Variants in MMP14 observed in about 807,000 individuals in gnomAD.
MMP14 encodes matrix metallopeptidase 14.
Under a neutral mutation model 64.8 loss-of-function variants are expected in MMP14, and 13 were observed. The ratio of observed to expected loss-of-function variants is 0.20; its 90% CI spans 0.13 to 0.32. The LOEUF is 0.32. Ranked by LOEUF, MMP14 falls within the 10% of genes least tolerant of loss-of-function variation. The probability of loss-of-function intolerance (pLI) is 1.00; values close to 1 mark genes in which losing one functional copy is unlikely to be tolerated. For missense variants in MMP14, 594 were observed against 783.8 expected (o/e 0.76, Z 2.89); for synonymous variants, 322 against 315.9 (o/e 1.02, Z -0.20).
In MMP14 at chr14:22,845,595, C is replaced by T. The variant is rs186942114; in HGVS notation, c.1418-113C>T. On this transcript the variant is annotated intron_variant, in intron 9 of 9. Coordinates refer to ENST00000311852, the MANE Select transcript of MMP14 (RefSeq NM_004995.4). The stretch of plus-strand genomic sequence containing the variant: ...TTACAGCTGAGGAAGCTGATGCTCA[C>T]GAAGGTGGAGGGAAGCTCAGCTGCC... 3,346 of 1,157,514 alleles carry T rather than the reference C, an allele frequency of 2.9e-3. 10 individuals carry two copies. Among genetic ancestry groups the T allele is most frequent in the Non-Finnish European group, 3.8e-3 (2,997 of 797,114 alleles). 71.7% of individuals were successfully genotyped at this position (1,157,514 alleles called of 1,614,324 possible).
chr14:22,842,771 G>T lies in MMP14; in HGVS notation c.688+54G>T. The T allele has an allele frequency of 6.5e-7, 1 of 1,534,682 alleles. No individual in the cohort carries two copies. The highest frequency in any genetic ancestry group is 1.9e-5 in the Admixed American group (1 of 51,874). On this transcript the variant is annotated intron_variant, in intron 4 of 9. Transcript: ENST00000311852. This position sits in a 1 kb window ranked among gnomAD's most constrained non-coding sequence, Gnocchi z 5.3. Reference sequence around the variant, plus strand: ...TGGAAAAAGCCAACAGTCATTTGTAGGGGTGGTTCCCCTCCCTCCTTCCAA... The same window carrying T: ...TGGAAAAAGCCAACAGTCATTTGTATGGGTGGTTCCCCTCCCTCCTTCCAA...
At chr14:22,837,295 T>G in intron 1 of MMP14, 61 of 471,168 alleles carry the variant, frequency 1.3e-4, no homozygotes, top group East Asian at 5.8e-4. Context: ...AACCCCGCGC[T>G]GTCCCGGCTC....
rs2039812393 is a variant in MMP14 at position 22,846,167 on chromosome 14, C to G, written c.*128C>G. 1 of 946,930 alleles carries G rather than the reference C, an allele frequency of 1.1e-6. No homozygotes were observed. The highest frequency in any genetic ancestry group is 1.5e-6 in the Non-Finnish European group (1 of 656,412). The allele number at this position is 946,930 out of a possible 1,614,324, so 58.7% of individuals were successfully genotyped here. ...CTCCCCGCAGCCTCCTTGCTTCTCT[C>G]TGTCCCCTGGCTGGCCTCCTTCACC... On this transcript the variant is annotated 3_prime_UTR_variant, in exon 10 of 10. Coordinates refer to ENST00000311852, the MANE Select transcript of MMP14 (RefSeq NM_004995.4).
chr14:22,841,245 A>C (rs963919446), intron 1 of MMP14, among the ~76,000 whole-genome samples: 2 of 152,196 alleles, frequency 1.3e-5, no homozygotes, highest in African/African-American at 4.8e-5. Context: ...TCTCATTTTC[A>C]AGAGAGCTAC....
intron 1 of MMP14, among the ~76,000 whole-genome samples, chr14:22,839,381 G>T (rs138907079): frequency 2.3e-4 from 35 of 152,380 alleles, no homozygotes; most frequent in South Asian, 4.1e-4. Flanking sequence ...ACAGGTCAGG[G>T]CAAGCCTGCA....
intron 2 of MMP14, 79 bp downstream of exon 2, chr14:22,841,718 C>T (rs768525972): frequency 1.3e-6 from 2 of 1,585,940 alleles, no homozygotes; most frequent in Non-Finnish European, 8.6e-7. Context: ...TACCTGAATG[C>T]CTGGCTTGTG....
intron 1 of MMP14, chr14:22,837,187 G>A (rs959063951): frequency 3.1e-6 from 2 of 647,680 alleles, no homozygotes; most frequent in African/African-American, 3.6e-5. Context: ...CCAGTCCTTG[G>A]AAGAACTTTA....
rs113291270 is a variant in MMP14 at position 22,846,266 on chromosome 14, G to A, written c.*227G>A. The stretch of plus-strand genomic sequence containing the variant: ...GGTCCCCTGAGGGCTGAGTGGGAGG[G>A]CGGCCCTTTCCAGCCTCTGCCCCTC... On this transcript the variant is annotated 3_prime_UTR_variant, in exon 10 of 10. Transcript: ENST00000311852. 4.2e-5 allele frequency: 22 copies of A among 528,316 alleles called. 1 individual carries two copies. The highest frequency in any genetic ancestry group is 3.8e-4 in the African/African-American group (20 of 52,212). 32.7% of individuals were successfully genotyped at this position (528,316 alleles called of 1,614,324 possible).
At chr14:22,841,732 C>A in intron 2 of MMP14, 93 bp downstream of exon 2, 3 of 1,564,954 alleles carry the variant, frequency 1.9e-6, no homozygotes, top group Non-Finnish European at 2.6e-6. Context: ...GCTTGTGCAC[C>A]CCACTCCCCC....
Position 22,845,739 on chromosome 14 carries a change from C to T in MMP14, c.1449C>T (p.Tyr483=). The T allele has an allele frequency of 6.2e-7, 1 of 1,614,130 alleles. No individual in the cohort carries two copies. The highest frequency in any genetic ancestry group is 1.3e-5 in the African/African-American group (1 of 75,050). ...CTTACTTCTACAAGGGGAACAAATA[C>T]TGGAAATTCAACAACCAGAAGCTGA... ...VFTYFYKGNK[Y]WKFNNQKLKV... Residue 483 remains tyrosine, a synonymous_variant, in exon 10 of 10, where the codon TAC becomes TAT. Coordinates refer to ENST00000311852, the MANE Select transcript of MMP14 (RefSeq NM_004995.4).
In MMP14 at chr14:22,843,353, A is replaced by G. The variant is rs1388240533; in HGVS notation, c.785A>G (p.Gln262Arg). The change falls in exon 5 of 10, where the codon CAG (glutamine) becomes CGG (arginine). Residue 262 changes from glutamine (Q) to arginine (R), a missense_variant. Physicochemically the swap from Gln to Arg is conservative, Grantham distance 43 (BLOSUM62 1). Transcript: ENST00000311852. The surrounding 1 kb of genome is among the most constrained non-coding windows in gnomAD (Gnocchi z 4.8). Reference sequence around the variant, plus strand: ...TCGGCCATCATGGCACCCTTTTACCAGTGGATGGACACGGAGAATTTTGTG... The same window carrying G: ...TCGGCCATCATGGCACCCTTTTACCGGTGGATGGACACGGAGAATTTTGTG... ...DPSAIMAPFY[Q>R]WMDTENFVLP... is the part of the protein sequence containing the mutation. 2 of 1,613,936 alleles carry G rather than the reference A, an allele frequency of 1.2e-6. No homozygotes were observed. Among genetic ancestry groups the G allele is most frequent in the Non-Finnish European group, 8.5e-7 (1 of 1,180,026 alleles).
In MMP14 at chr14:22,842,763, C is replaced by T. The variant is rs748008113; in HGVS notation, c.688+46C>T. 6.5e-7 allele frequency: 1 copy of T among 1,545,740 alleles called. No homozygotes were observed. Among genetic ancestry groups the T allele is most frequent in the Non-Finnish European group, 8.8e-7 (1 of 1,141,762 alleles). On this transcript the variant is annotated intron_variant, in intron 4 of 9. Coordinates refer to ENST00000311852, the MANE Select transcript of MMP14 (RefSeq NM_004995.4). This position sits in a 1 kb window ranked among gnomAD's most constrained non-coding sequence, Gnocchi z 5.3. Reference sequence around the variant, plus strand: ...ACTTACTCTGGAAAAAGCCAACAGTCATTTGTAGGGGTGGTTCCCCTCCCT... The same window carrying T: ...ACTTACTCTGGAAAAAGCCAACAGTTATTTGTAGGGGTGGTTCCCCTCCCT...
chr14:22,846,780 TG>T lies in MMP14; in HGVS notation c.*745del, dbSNP rs2039817658. Reference sequence around the variant, plus strand: ...GTGCCTCTCGAATGTTAGCCTTGGATGGGGCTTTCACAGTTAGAAGAGCTGA... The same window carrying T: ...GTGCCTCTCGAATGTTAGCCTTGGATGGGCTTTCACAGTTAGAAGAGCTGA... On this transcript the variant is annotated 3_prime_UTR_variant, in exon 10 of 10. Coordinates refer to ENST00000311852, the MANE Select transcript of MMP14 (RefSeq NM_004995.4). 1.3e-5 allele frequency: 2 copies of T among 152,720 alleles called. No individual in the cohort carries two copies. Among genetic ancestry groups the T allele is most frequent in the African/African-American group, 2.4e-5 (1 of 41,446 alleles). 9.5% of individuals were successfully genotyped at this position (152,720 alleles called of 1,614,324 possible).
In MMP14 at chr14:22,846,654, C is replaced by T. The variant is rs2039816142; in HGVS notation, c.*615C>T. 1 of 152,752 alleles carries T rather than the reference C, an allele frequency of 6.5e-6. No homozygotes were observed. The highest frequency in any genetic ancestry group is 2.4e-5 in the African/African-American group (1 of 41,450). 9.5% of individuals were successfully genotyped at this position (152,752 alleles called of 1,614,324 possible). ...TCTTCGTTGCTCAGTCAGTCAAGTT[C>T]CTCGGAGATCTGCCTCTGCCTCACC... On this transcript the variant is annotated 3_prime_UTR_variant, in exon 10 of 10. Transcript: ENST00000311852.
rs773570739 is a variant in MMP14 at position 22,844,500 on chromosome 14, T to C, written c.1141T>C (p.Phe381Leu). The change falls in exon 7 of 10, where the codon TTC (phenylalanine) becomes CTC (leucine). Residue 381 changes from phenylalanine (F) to leucine (L), a missense_variant. Coordinates refer to ENST00000311852, the MANE Select transcript of MMP14 (RefSeq NM_004995.4). ...AYERKDGKFV[F>L]FKGDKHWVFD... ...CGAGAGGAAGGATGGCAAATTCGTC[T>C]TCTTCAAAGGTAACCAGGCACTCCA... is the stretch of plus-strand genomic sequence containing the variant. 31 of 1,614,030 alleles carry C rather than the reference T, an allele frequency of 1.9e-5. No individual in the cohort carries two copies. Among genetic ancestry groups the C allele is most frequent in the Non-Finnish European group, 2.6e-5 (31 of 1,180,030 alleles).
At position 22,843,931 on chromosome 14, in the gene MMP14, C is replaced by T. The variant is rs915328564; in HGVS notation, c.1011+61C>T. The T allele has an allele frequency of 1.3e-6, 2 of 1,581,728 alleles. No homozygotes were observed. Among genetic ancestry groups the T allele is most frequent in the South Asian group, 1.2e-5 (1 of 86,252 alleles). On this transcript the variant is annotated intron_variant, in intron 6 of 9. Coordinates refer to ENST00000311852, the MANE Select transcript of MMP14 (RefSeq NM_004995.4). The surrounding 1 kb of genome is among the most constrained non-coding windows in gnomAD (Gnocchi z 4.8). ...GCCCTATGGGCTGGGCATGGTGGCT[C>T]ATGCCTGTAATCCTAGCACTTTGAG... is the stretch of plus-strand genomic sequence containing the variant.
chr14:22,844,425 C>G lies in MMP14; in HGVS notation c.1066C>G (p.Pro356Ala), dbSNP rs777838822. Residue 356 changes from proline (P) to alanine (A), a missense_variant, in exon 7 of 10, where the codon CCC becomes GCC. Transcript: ENST00000311852. ...NNQVMDGYPM[P>A]IGQFWRGLPA... is the part of the protein sequence containing the mutation. ...CCAAGTGATGGATGGATACCCAATGCCCATTGGCCAGTTCTGGCGGGGCCT... is the reference window on the plus strand; with the variant it reads ...CCAAGTGATGGATGGATACCCAATGGCCATTGGCCAGTTCTGGCGGGGCCT... 1 of 1,614,130 alleles carries G rather than the reference C, an allele frequency of 6.2e-7. No homozygotes were observed.
Position 22,841,924 on chromosome 14 carries a change from G to T in MMP14, c.269G>T (p.Arg90Leu). ...CAAACCCACTCCAGGGCCATGAGGC[G>T]CCCCCGATGTGGTGTTCCAGACAAG... The part of the protein sequence containing the change: ...ADADTMKAMR[R>L]PRCGVPDKFG... The change falls in exon 3 of 10, where the codon CGC (arginine) becomes CTC (leucine). Residue 90 changes from arginine to leucine, a missense_variant. Arg to Leu is a moderately radical substitution (Grantham distance 102, BLOSUM62 -2). Coordinates refer to ENST00000311852, the MANE Select transcript of MMP14 (RefSeq NM_004995.4). The T allele has an allele frequency of 6.2e-7, 1 of 1,614,172 alleles. No homozygotes were observed. The highest frequency in any genetic ancestry group is 8.5e-7 in the Non-Finnish European group (1 of 1,180,034).
Position 22,842,046 on chromosome 14 carries a change from C to G in MMP14, c.380+11C>G. Reference sequence around the variant, plus strand: ...TGAAATCACTTTCTGGTGAGTCCAACAGGCAAGCAACCTTTCTCACATCTG... The same window carrying G: ...TGAAATCACTTTCTGGTGAGTCCAAGAGGCAAGCAACCTTTCTCACATCTG... On this transcript the variant is annotated intron_variant, in intron 3 of 9. Transcript: ENST00000311852. The surrounding 1 kb of genome is among the most constrained non-coding windows in gnomAD (Gnocchi z 5.3). The G allele has an allele frequency of 6.2e-7, 1 of 1,614,162 alleles. No individual in the cohort carries two copies. The highest frequency in any genetic ancestry group is 8.5e-7 in the Non-Finnish European group (1 of 1,180,014).
Sources: gnomAD v4.1 joint callset for allele counts (sites outside exome capture counted in the v4.1 genomes callset) on GRCh38, gnomAD v4.1.1 for gene constraint, Gnocchi (gnomAD v3.1) non-coding constraint, MANE v1.5 for transcripts, NCBI Gene and HGNC (gene_info 2026-07-23, HGNC 2026-07-21) for gene names.